The following RORA variants were observed in gnomAD, a reference collection of about 807,000 sequenced individuals.
RORA encodes the protein RAR related orphan receptor A.
A neutral mutation model predicts 69.5 loss-of-function variants in RORA; 7 were observed. The observed-to-expected ratio is 0.10, with a 90% confidence interval of 0.06 to 0.19. The LOEUF (loss-of-function observed/expected upper bound fraction) is 0.19. RORA is among the 10% of genes least tolerant of loss of function. RORA has a pLI of 1.00. For missense variants in RORA, 457 were observed against 663.0 expected, an observed-to-expected ratio of 0.69 and a Z score of 3.41; for synonymous variants, 261 against 240.8, an observed-to-expected ratio of 1.08 and a Z score of -0.78.
rs374401650 is a variant in RORA at position 60,927,912 on chromosome 15, T to C, written c.167-249226A>G. ...TCATTCTGGAGAAAATAATTCAAGT[T>C]GGCTATTGACAGTGTCTGGATTAGA... On this transcript the variant is annotated intron_variant, in intron 1 of 10. Transcript: ENST00000335670. Among the ~76,000 whole-genome samples, 9 of 152,364 alleles carry C rather than the reference T, an allele frequency of 5.9e-5. No homozygotes were observed. In the East Asian group the frequency reaches 7.7e-4, roughly 13 times the overall value.
At chr15:60,774,544 G>A (rs530562548) in intron 1 of RORA, among the ~76,000 whole-genome samples, 6 of 152,310 alleles carry the variant, frequency 3.9e-5, no homozygotes, top group South Asian at 4.1e-4. Flanking sequence ...GAGAAAGCCC[G>A]TCTCTGGTTT....
Position 60,536,310 on chromosome 15 carries a change from ATAG to A in RORA, c.197-4462_197-4460del, listed in dbSNP as rs558842803. Among the ~76,000 whole-genome samples the A allele has an allele frequency of 4.5e-3, 688 of 152,352 alleles. 9 individuals carry two copies. Among genetic ancestry groups the A allele is most frequent in the South Asian group, 6.6e-3 (32 of 4,826 alleles). ...CTTAGAAATAGCTGGCACTCAGTAA[ATAG>A]TAGTTATTATTATTGTTGTTGTTGA... On this transcript the variant is annotated intron_variant, in intron 2 of 10. Coordinates refer to ENST00000335670, the MANE Select transcript of RORA (RefSeq NM_134261.3).
chr15:61,133,327 T>C (rs2079208932), intron 1 of RORA, among the ~76,000 whole-genome samples: 1 of 152,200 alleles, frequency 6.6e-6, no homozygotes, highest in Non-Finnish European at 1.5e-5. Flanking sequence ...ATAGTCACAA[T>C]GTGCATGGCA....
intron 1 of RORA, among the ~76,000 whole-genome samples, chr15:60,868,080 C>T (rs2073509925): frequency 6.6e-6 from 1 of 152,140 alleles, no homozygotes; most frequent in Non-Finnish European, 1.5e-5. Flanking sequence ...TATAAATATA[C>T]AAATAACACC....
At chr15:61,172,457 GATA>G (rs1394126742) in intron 1 of RORA, among the ~76,000 whole-genome samples, 2 of 152,156 alleles carry the variant, frequency 1.3e-5, no homozygotes, top group Non-Finnish European at 2.9e-5. Context: ...CTGAGGAATT[GATA>G]AGACAGGAGG....
At chr15:60,857,982 C>T (rs891467307) in intron 1 of RORA, among the ~76,000 whole-genome samples, 3 of 152,324 alleles carry the variant, frequency 2.0e-5, no homozygotes, top group East Asian at 3.9e-4. Context: ...TGAGATCGGT[C>T]ACACTGGGGT....
intron 1 of RORA, among the ~76,000 whole-genome samples, chr15:61,086,278 TG>T (rs1266881396): frequency 3.3e-5 from 5 of 152,238 alleles, no homozygotes; most frequent in African/African-American, 1.2e-4. Context: ...AGCACTGGGC[TG>T]GGGATGCTGG....
intron 1 of RORA, among the ~76,000 whole-genome samples, chr15:61,102,125 C>A (rs1275463253): frequency 1.3e-5 from 2 of 152,154 alleles, no homozygotes; most frequent in African/African-American, 4.8e-5. Flanking sequence ...AGGTTCTGCA[C>A]CCCGGCCCGT....
At chr15:60,884,692 A>T (rs988520515) in intron 1 of RORA, among the ~76,000 whole-genome samples, 1 of 152,002 alleles carries the variant, frequency 6.6e-6, no homozygotes, top group Non-Finnish European at 1.5e-5. Context: ...GAGTTTATTG[A>T]CTCTATTAAG....
At chr15:61,029,896 T>G (rs1300885222) in intron 1 of RORA, among the ~76,000 whole-genome samples, 1 of 152,076 alleles carries the variant, frequency 6.6e-6, no homozygotes, top group Non-Finnish European at 1.5e-5. Context: ...TGGAGAGGCC[T>G]GGGCTTGAGA....
At chr15:61,225,500 T>C (rs899270762) in intron 1 of RORA, among the ~76,000 whole-genome samples, 15 of 152,218 alleles carry the variant, frequency 9.9e-5, no homozygotes, top group Admixed American at 4.6e-4. Context: ...ACAGGCCCTG[T>C]TAACTGATTT....
intron 1 of RORA, among the ~76,000 whole-genome samples, chr15:61,217,924 G>A (rs981207265): frequency 6.6e-6 from 1 of 152,058 alleles, no homozygotes; most frequent in African/African-American, 2.4e-5. Context: ...CCTCCCTGAA[G>A]TCATAATGAG....
At chr15:60,954,436 G>T (rs1278986515) in intron 1 of RORA, among the ~76,000 whole-genome samples, 1 of 122,302 alleles carries the variant, frequency 8.2e-6, no homozygotes, top group Non-Finnish European at 1.9e-5. Flanking sequence ...AAAACTTAAA[G>T]TATAAAAAAA....
chr15:60,934,918 C>G (rs1439462067), intron 1 of RORA, among the ~76,000 whole-genome samples: 2 of 152,224 alleles, frequency 1.3e-5, no homozygotes, highest in African/African-American at 2.4e-5. Flanking sequence ...CTATAAAATA[C>G]AAACTCCACA....
At chr15:60,678,053 T>C (rs970222505) in intron 2 of RORA, among the ~76,000 whole-genome samples, 6 of 152,302 alleles carry the variant, frequency 3.9e-5, no homozygotes, top group African/African-American at 1.4e-4. Flanking sequence ...TAACTTATGG[T>C]GTAGTTCAAA....
At chr15:60,658,988 C>A (rs987445429) in intron 2 of RORA, among the ~76,000 whole-genome samples, 1 of 152,180 alleles carries the variant, frequency 6.6e-6, no homozygotes, top group Non-Finnish European at 1.5e-5. Flanking sequence ...CCATCCCTGA[C>A]AGAAAGTCTG....
intron 2 of RORA, among the ~76,000 whole-genome samples, chr15:60,670,013 T>C (rs62003345): frequency 1.2e-4 from 19 of 152,204 alleles, no homozygotes; most frequent in Non-Finnish European, 2.5e-4. Context: ...CCCTGCCCTA[T>C]CTTTCCATAG....
rs912647603 is a variant in RORA, at chr15:60,847,698, C to T, written c.167-169012G>A. 4.6e-5 allele frequency: 7 copies of T among 151,828 alleles called. No individual in the cohort carries two copies. In the East Asian group the frequency reaches 9.7e-4, roughly 21 times the overall value. 9.4% of individuals were successfully genotyped at this position (151,828 alleles called of 1,614,324 possible). A position where few individuals can be genotyped will look rare whatever the true frequency, so the allele number is the denominator to read the frequency against. ...TGGTACAAAAATGAATATAAAATAT[C>T]GTATTAATAAGTTTTCCATATTGAT... On this transcript the variant is annotated intron_variant, in intron 1 of 10. Transcript: ENST00000335670.
chr15:60,792,024 T>G (rs2072424824), intron 1 of RORA, among the ~76,000 whole-genome samples: 1 of 151,986 alleles, frequency 6.6e-6, no homozygotes, highest in South Asian at 2.1e-4. Flanking sequence ...AAGAAGCCAT[T>G]ATAAATATGT....
Sources: allele counts gnomAD v4.1 joint callset (sites outside exome capture counted in the v4.1 genomes callset), GRCh38; gene constraint gnomAD v4.1.1; transcripts MANE v1.5; gene names NCBI Gene and HGNC (gene_info 2026-07-23, HGNC 2026-07-21).